DYNC2H1: variants seen among roughly 807,000 people sequenced by gnomAD.
DYNC2H1 encodes the protein cytoplasmic dynein 2 heavy chain 1.
In DYNC2H1, 410 loss-of-function variants were observed where a neutral mutation model predicts 570.0. The observed-to-expected ratio is 0.72, with a 90% CI of 0.66 to 0.78. DYNC2H1 has a LOEUF of 0.78. DYNC2H1 is among the 30% of genes least tolerant of loss of function. The pLI, the probability that DYNC2H1 is intolerant of heterozygous loss-of-function variation, is 0.00. For synonymous variants in DYNC2H1, 1,688 were observed against 1,677.6 expected (o/e 1.01, Z -0.15); for missense variants, 4,865 against 5,046.4 (o/e 0.96, Z 1.09).
At position 103,305,466 on chromosome 11, in the gene DYNC2H1, G is replaced by C. The variant is rs1035586869; in HGVS notation, c.11382+746G>C. ...AATTGAATTAGATGACTAGGAAAGA[G>C]CTAGGTTATGGAATACCCTGAGAAC... On this transcript the variant is annotated intron_variant, in intron 77 of 88. Transcript: ENST00000375735. This position sits in a 1 kb window ranked among gnomAD's most constrained non-coding sequence, Gnocchi z 4.3. Among the ~76,000 whole-genome samples the C allele has an allele frequency of 2.3e-4, 35 of 152,258 alleles. No homozygotes were observed. The East Asian group carries it at 6.6e-3, about 29-fold the overall frequency.
In DYNC2H1 at chr11:103,199,222, T is replaced by A. The variant is rs768541562; in HGVS notation, c.7840-6T>A. Reference sequence around the variant, plus strand: ...TAATTATAAAATATTCTGATTTTTTTAAAAGGGTCTTATTCATTATGGACG... The same window carrying A: ...TAATTATAAAATATTCTGATTTTTTAAAAAGGGTCTTATTCATTATGGACG... On this transcript the variant is annotated splice_region_variant and splice_polypyrimidine_tract_variant and intron_variant, in intron 48 of 88. Transcript: ENST00000375735. This position sits in a 1 kb window ranked among gnomAD's most constrained non-coding sequence, Gnocchi z 4.6. The A allele has an allele frequency of 9.3e-5, 140 of 1,503,542 alleles. No individual in the cohort carries two copies. Among genetic ancestry groups the A allele is most frequent in the Non-Finnish European group, 1.2e-4 (131 of 1,114,172 alleles). 93.1% of individuals were successfully genotyped at this position (1,503,542 alleles called of 1,614,324 possible).
intron 59 of DYNC2H1, among the ~76,000 whole-genome samples, chr11:103,224,140 A>G (rs1863707357): frequency 6.6e-6 from 1 of 152,146 alleles, no homozygotes; most frequent in Non-Finnish European, 1.5e-5. Context: ...AGGTAGGAGG[A>G]AGATTTAACC....
rs1158198950 is a variant in DYNC2H1, at chr11:103,255,534, G to A, written c.10326G>A (p.Glu3442=). Residue 3442 remains glutamate (E), a splice_region_variant and synonymous_variant, in exon 67 of 89, where the codon GAG becomes GAA. Coordinates refer to ENST00000375735, the MANE Select transcript of DYNC2H1 (RefSeq NM_001377.3). ...CCAAGCTCGAAGAATCTCTTCTAGA[G>A]GTAAAAGTCTAGCTATTTAGGTTAC... ...QLAKLEESLL[E]TLATSQGNIL... 5 of 1,538,656 alleles carry A rather than the reference G, an allele frequency of 3.2e-6. No individual in the cohort carries two copies. Among genetic ancestry groups the A allele is most frequent in the East Asian group, 2.5e-5 (1 of 40,460 alleles).
At chr11:103,301,797 T>C (rs185894424) in intron 75 of DYNC2H1, among the ~76,000 whole-genome samples, 1 of 152,080 alleles carries the variant, frequency 6.6e-6, no homozygotes, top group East Asian at 1.9e-4. Flanking sequence ...ACAGAGTTTA[T>C]ATTTTAAAGT....
chr11:103,389,938 AGGTGT>A (rs1942063050), intron 83 of DYNC2H1, among the ~76,000 whole-genome samples: 1 of 152,144 alleles, frequency 6.6e-6, no homozygotes, highest in African/African-American at 2.4e-5. Flanking sequence ...ATTTTGGAAT[AGGTGT>A]GGTGTGGTGC....
rs150419327 is a variant in DYNC2H1 at position 103,292,351 on chromosome 11, G to T, written c.11095+4746G>T. On this transcript the variant is annotated intron_variant, in intron 75 of 88. Transcript: ENST00000375735. ...AACTTAACTCTGATTACAAAGAAAAGAAAAGAAAAACAAACCAAGCAAAAA... is the reference window on the plus strand; with the variant it reads ...AACTTAACTCTGATTACAAAGAAAATAAAAGAAAAACAAACCAAGCAAAAA... Among the ~76,000 whole-genome samples, 266 of 151,914 alleles carry T rather than the reference G, an allele frequency of 1.8e-3. 1 individual carries two copies. The highest frequency in any genetic ancestry group is 6.1e-3 in the African/African-American group (254 of 41,444).
chr11:103,307,154 A>G (rs540038473), intron 77 of DYNC2H1, among the ~76,000 whole-genome samples: 41 of 152,330 alleles, frequency 2.7e-4, no homozygotes, highest in Admixed American at 2.5e-3. Flanking sequence ...ATAAATGACT[A>G]AAGCCCACAG....
chr11:103,411,489 T>C (rs182922578), intron 84 of DYNC2H1, among the ~76,000 whole-genome samples: 6 of 151,804 alleles, frequency 4.0e-5, no homozygotes, highest in African/African-American at 1.4e-4. Flanking sequence ...TTTGGTTTCT[T>C]GTTTTGTTTC....
intron 18 of DYNC2H1, among the ~76,000 whole-genome samples, chr11:103,144,411 A>G (rs901935055): frequency 4.6e-5 from 7 of 152,158 alleles, no homozygotes; most frequent in African/African-American, 9.7e-5. Flanking sequence ...ACTGAACTAA[A>G]ACTATGGGGA....
rs375411109 is a variant in DYNC2H1, at chr11:103,181,898, A to G, written c.6477+12A>G. ...GGGTTCTAAAGCAGGTAAATTAACC[A>G]TAATATTTCATAATTAATCGAGGTG... is the stretch of plus-strand genomic sequence containing the variant. On this transcript the variant is annotated intron_variant, in intron 40 of 88. Transcript: ENST00000375735. The surrounding 1 kb of genome is among the most constrained non-coding windows in gnomAD (Gnocchi z 5.0). The G allele has an allele frequency of 1.8e-5, 28 of 1,596,724 alleles. No individual in the cohort carries two copies. The African/African-American group carries it at 3.2e-4, about 18-fold the overall frequency.
intron 85 of DYNC2H1, among the ~76,000 whole-genome samples, chr11:103,445,028 C>T (rs193052857): frequency 1.3e-5 from 2 of 152,264 alleles, no homozygotes. Flanking sequence ...GCAGCCTGAC[C>T]AGTTAAGAGG....
intron 40 of DYNC2H1, 108 bp from the exon 41 acceptor site, chr11:103,184,788 T>C: frequency 2.6e-6 from 3 of 1,170,046 alleles, no homozygotes; most frequent in South Asian, 4.2e-5. Flanking sequence ...GAGGAGTGAG[T>C]TTAAAAATGG....
intron 85 of DYNC2H1, among the ~76,000 whole-genome samples, chr11:103,450,458 A>G (rs1321134198): frequency 6.6e-6 from 1 of 152,238 alleles, no homozygotes; most frequent in Non-Finnish European, 1.5e-5. Context: ...GTCTAAATAA[A>G]TCTAACAGAA....
Position 103,192,423 on chromosome 11 carries a change from T to G in DYNC2H1, c.7708+159T>G, listed in dbSNP as rs1862355982. On this transcript the variant is annotated intron_variant, in intron 47 of 88. Transcript: ENST00000375735. ...TACAGCTCAGTCTTTTTTGCTGGAT[T>G]TCAGTAATCATGTTTCAATCAAAAT... Among the ~76,000 whole-genome samples, 1 of 152,216 alleles carries G rather than the reference T, an allele frequency of 6.6e-6. No homozygotes were observed. The highest frequency in any genetic ancestry group is 6.5e-5 in the Admixed American group (1 of 15,278).
At chr11:103,426,806 T>G (rs1388314002) in intron 84 of DYNC2H1, among the ~76,000 whole-genome samples, 1 of 152,236 alleles carries the variant, frequency 6.6e-6, no homozygotes, top group Non-Finnish European at 1.5e-5. Flanking sequence ...GCGCAGAAAT[T>G]AGTGCGACTG....
At chr11:103,381,727 G>A (rs573553388) in intron 83 of DYNC2H1, among the ~76,000 whole-genome samples, 4 of 152,344 alleles carry the variant, frequency 2.6e-5, no homozygotes, top group African/African-American at 9.6e-5. Flanking sequence ...GATTACAGGC[G>A]TGAGCCACCA....
At chr11:103,453,744 G>A (rs1234050174) in intron 85 of DYNC2H1, among the ~76,000 whole-genome samples, 1 of 150,788 alleles carries the variant, frequency 6.6e-6, no homozygotes, top group African/African-American at 2.4e-5. Context: ...CTTATTAAAT[G>A]ACTGTTTTAA....
chr11:103,276,291 G>A (rs558085828), intron 70 of DYNC2H1, among the ~76,000 whole-genome samples: 1 of 152,022 alleles, frequency 6.6e-6, no homozygotes, highest in African/African-American at 2.4e-5. Flanking sequence ...CTTGCTTGTA[G>A]TACTTACAGG....
At chr11:103,469,906 A>G (rs1331964495) in intron 88 of DYNC2H1, among the ~76,000 whole-genome samples, 1 of 152,222 alleles carries the variant, frequency 6.6e-6, no homozygotes, top group Non-Finnish European at 1.5e-5. Flanking sequence ...TGTTGTGAAT[A>G]TAACATACAA....
Sources: gnomAD v4.1 joint callset for allele counts (sites outside exome capture counted in the v4.1 genomes callset) on GRCh38, gnomAD v4.1.1 for gene constraint, Gnocchi (gnomAD v3.1) non-coding constraint, MANE v1.5 for transcripts, NCBI Gene and HGNC (gene_info 2026-07-23, HGNC 2026-07-21) for gene names.